WDR33: variants seen among roughly 807,000 people sequenced by gnomAD.
WDR33 encodes WD repeat domain 33, also known as pre-mRNA 3' end processing protein WDR33.
A neutral mutation model predicts 164.9 loss-of-function variants in WDR33; 47 were observed. The observed-to-expected ratio is 0.29, with a 90% CI of 0.23 to 0.36. WDR33 has a LOEUF of 0.36. WDR33 is among the 10% of genes least tolerant of loss of function. WDR33 has a pLI of 1.00. For synonymous variants in WDR33, 505 were observed against 589.0 expected, an observed-to-expected ratio of 0.86 and a Z score of 2.06; for missense variants, 1,137 against 1,754.1, an observed-to-expected ratio of 0.65 and a Z score of 6.28.
At chr2:127,780,130 C>T (rs553306981) in intron 1 of WDR33, among the ~76,000 whole-genome samples, 3 of 152,230 alleles carry the variant, frequency 2.0e-5, no homozygotes, top group East Asian at 1.9e-4. Flanking sequence ...CCCGCCACCA[C>T]GCCCAGCTAA....
At chr2:127,788,258 A>C (rs1471252594) in intron 1 of WDR33, among the ~76,000 whole-genome samples, 14 of 91,608 alleles carry the variant, frequency 1.5e-4, no homozygotes, top group African/African-American at 4.8e-4. Context: ...GACCCCCCCC[A>C]CCTCCCTCCC....
chr2:127,747,495 A>T (rs1218999922), intron 7 of WDR33, among the ~76,000 whole-genome samples: 1 of 152,088 alleles, frequency 6.6e-6, no homozygotes, highest in Non-Finnish European at 1.5e-5. Context: ...AAAGATTTTG[A>T]GGTTCCCATG....
rs1686213028 is a variant in WDR33 at position 127,712,787 on chromosome 2, G to A, written c.3308+796C>T. 6.6e-6 allele frequency among the ~76,000 whole-genome samples: 1 copy of A among 152,038 alleles called. No individual in the cohort carries two copies. Among genetic ancestry groups the A allele is most frequent in the African/African-American group, 2.4e-5 (1 of 41,384 alleles). ...TTTTGTTTTTCTTTTAAGAGACAGG[G>A]TCTTGCTCTGTAGCCCAGGCTGAAG... On this transcript the variant is annotated intron_variant, in intron 18 of 21. Transcript: ENST00000322313. This position sits in a 1 kb window ranked among gnomAD's most constrained non-coding sequence, Gnocchi z 4.0.
In WDR33 at chr2:127,703,482, C is replaced by G. The variant is rs1434709080; in HGVS notation, c.*2841G>C. On this transcript the variant is annotated 3_prime_UTR_variant, in exon 22 of 22. Transcript: ENST00000322313. ...TTCCTCCAACCCCAAAATTTATGTT[C>G]CTAAGTAAGTCAGGTCCCTAAGCCC... 1 of 167,074 alleles carries G rather than the reference C, an allele frequency of 6.0e-6. No homozygotes were observed. Among genetic ancestry groups the G allele is most frequent in the Admixed American group, 6.5e-5 (1 of 15,282 alleles). 10.3% of individuals were successfully genotyped at this position (167,074 alleles called of 1,614,324 possible). A position where few individuals can be genotyped will look rare whatever the true frequency, so the allele number is the denominator to read the frequency against.
At chr2:127,756,580 T>G (rs1345420877) in intron 7 of WDR33, among the ~76,000 whole-genome samples, 1 of 152,146 alleles carries the variant, frequency 6.6e-6, no homozygotes, top group East Asian at 1.9e-4. Flanking sequence ...ATCAAAGACC[T>G]GATAAGCTGA....
intron 1 of WDR33, among the ~76,000 whole-genome samples, chr2:127,781,890 C>T (rs1404765171): frequency 3.3e-5 from 5 of 151,024 alleles, no homozygotes; most frequent in South Asian, 2.1e-4. Flanking sequence ...CTCAGCTACT[C>T]GGGAGGCTGA....
At position 127,764,169 on chromosome 2, in the gene WDR33, A is replaced by G; in HGVS notation, c.626+659T>C. 9.8e-7 allele frequency: 1 copy of G among 1,017,020 alleles called. No homozygotes were observed. Among genetic ancestry groups the G allele is most frequent in the Non-Finnish European group, 1.2e-6 (1 of 850,920 alleles). 63.0% of individuals were successfully genotyped at this position (1,017,020 alleles called of 1,614,324 possible). On this transcript the variant is annotated intron_variant, in intron 6 of 21. Transcript: ENST00000322313. This position sits in a 1 kb window ranked among gnomAD's most constrained non-coding sequence, Gnocchi z 6.2. ...ATGTGTAAAAATATACAACTCACTG[A>G]AAATATTTTAAACTCCACTTATTGT...
intron 7 of WDR33, chr2:127,736,592 T>C (rs994154868): frequency 2.2e-5 from 22 of 985,304 alleles, no homozygotes; most frequent in African/African-American, 1.7e-5. Flanking sequence ...TATTGATTTG[T>C]ACCAACTTGT....
At chr2:127,753,439 A>T (rs988521990) in intron 7 of WDR33, among the ~76,000 whole-genome samples, 1 of 152,216 alleles carries the variant, frequency 6.6e-6, no homozygotes, top group Non-Finnish European at 1.5e-5. Context: ...TTTTATCCTA[A>T]AATAGTCCAG....
At chr2:127,787,391 T>C (rs1156922208) in intron 1 of WDR33, among the ~76,000 whole-genome samples, 3 of 120,442 alleles carry the variant, frequency 2.5e-5, no homozygotes, top group East Asian at 4.9e-4. Flanking sequence ...CCAGACGGGG[T>C]GGTGGCCGGG....
chr2:127,765,505 G>A (rs1687794558), intron 4 of WDR33, among the ~76,000 whole-genome samples: 1 of 152,114 alleles, frequency 6.6e-6, no homozygotes, highest in African/African-American at 2.4e-5. Context: ...TACATTATGA[G>A]TATACGCACC....
chr2:127,725,733 C>CAAAATAAT (rs1361490884), intron 8 of WDR33, among the ~76,000 whole-genome samples: 5 of 96,314 alleles, frequency 5.2e-5, no homozygotes, highest in African/African-American at 2.1e-4. Flanking sequence ...GACTCTGTCT[C>CAAAATAAT]AAAATAATAA....
chr2:127,807,523 CAG>C (rs1440256411), intron 1 of WDR33, among the ~76,000 whole-genome samples: 2 of 152,090 alleles, frequency 1.3e-5, no homozygotes, highest in Non-Finnish European at 2.9e-5. Flanking sequence ...CACAAAGTAA[CAG>C]AAGGCAGTCA....
intron 1 of WDR33, among the ~76,000 whole-genome samples, chr2:127,778,463 AAC>A (rs1430749788): frequency 6.8e-6 from 1 of 146,836 alleles, no homozygotes; most frequent in African/African-American, 2.5e-5. Context: ...AGAAAAAAGA[AAC>A]AAACAAAAAC....
rs201418048 is a variant in WDR33, at chr2:127,722,739, G to A, written c.1379-9C>T. 3.8e-5 allele frequency: 62 copies of A among 1,611,996 alleles called. No individual in the cohort carries two copies. Among genetic ancestry groups the A allele is most frequent in the East Asian group, 8.9e-5 (4 of 44,820 alleles). On this transcript the variant is annotated splice_polypyrimidine_tract_variant and intron_variant, in intron 13 of 21. Transcript: ENST00000322313. The surrounding 1 kb of genome is among the most constrained non-coding windows in gnomAD (Gnocchi z 5.1). ...ATTTGATTCATCTTTCCCTGTAACC[G>A]TAAAGAAAAGTGGTTTGCCTCTTAA... is the stretch of plus-strand genomic sequence containing the variant.
At chr2:127,768,489 T>C (rs1687891580) in intron 3 of WDR33, among the ~76,000 whole-genome samples, 196 bp from the exon 4 acceptor site, 1 of 152,172 alleles carries the variant, frequency 6.6e-6, no homozygotes. Flanking sequence ...GAAAGTTAAA[T>C]ACCCATTATT....
At chr2:127,737,767 T>C in intron 7 of WDR33, 2 of 1,275,684 alleles carry the variant, frequency 1.6e-6, no homozygotes, top group Non-Finnish European at 2.0e-6. Flanking sequence ...GAAAGCAAGG[T>C]AGAGGTGAAT....
intron 21 of WDR33, among the ~76,000 whole-genome samples, chr2:127,707,652 G>A (rs187302005): frequency 7.2e-5 from 11 of 152,288 alleles, no homozygotes; most frequent in African/African-American, 2.2e-4. Flanking sequence ...GATACATAAG[G>A]TAATTTCTGA....
Position 127,716,069 on chromosome 2 carries a change from C to G in WDR33, c.2869+1086G>C, listed in dbSNP as rs1686293947. ...TGGCGATAACTCAGGGGGTAAAAGA[C>G]TCTCCTTTTGTTTCTCTAGTTCGCT... On this transcript the variant is annotated intron_variant, in intron 17 of 21. Coordinates refer to ENST00000322313, the MANE Select transcript of WDR33 (RefSeq NM_018383.5). This position sits in a 1 kb window ranked among gnomAD's most constrained non-coding sequence, Gnocchi z 4.5. Among the ~76,000 whole-genome samples the G allele has an allele frequency of 6.6e-6, 1 of 152,156 alleles. No individual in the cohort carries two copies. Among genetic ancestry groups the G allele is most frequent in the South Asian group, 2.1e-4 (1 of 4,832 alleles).
Sources: gnomAD v4.1 joint callset for allele counts (sites outside exome capture counted in the v4.1 genomes callset) on GRCh38, gnomAD v4.1.1 for gene constraint, Gnocchi (gnomAD v3.1) non-coding constraint, MANE v1.5 for transcripts, NCBI Gene and HGNC (gene_info 2026-07-23, HGNC 2026-07-21) for gene names.